SAP130: variants seen among roughly 807,000 people sequenced by gnomAD.
SAP130 encodes histone deacetylase complex subunit SAP130.
Under a neutral mutation model 103.2 loss-of-function variants are expected in SAP130, and 16 were observed. The ratio of observed to expected loss-of-function variants is 0.16; its 90% confidence interval spans 0.10 to 0.24. The LOEUF is 0.24. Among genes scored for constraint, SAP130 ranks in the 10% least tolerant of loss-of-function variants. The pLI, the probability that SAP130 is intolerant of heterozygous loss-of-function variation, is 1.00. For missense variants in SAP130, 990 were observed against 1,359.7 expected, an observed-to-expected ratio of 0.73 and a Z score of 4.28; for synonymous variants, 477 against 497.0, an observed-to-expected ratio of 0.96 and a Z score of 0.53.
intron 14 of SAP130, among the ~76,000 whole-genome samples, chr2:127,982,422 A>C (rs1573734278): frequency 1.3e-5 from 2 of 152,320 alleles, no homozygotes; most frequent in East Asian, 3.9e-4. Context: ...GAGGCAGGAC[A>C]TGGGGTACTG....
At chr2:127,980,675 T>C (rs1681801143) in intron 14 of SAP130, among the ~76,000 whole-genome samples, 1 of 152,108 alleles carries the variant, frequency 6.6e-6, no homozygotes, top group Non-Finnish European at 1.5e-5. Flanking sequence ...CAAGGCCAGG[T>C]GCTCACGCAT....
At chr2:127,998,564 ATAATACAG>A (rs1683330524) in intron 10 of SAP130, among the ~76,000 whole-genome samples, 1 of 152,236 alleles carries the variant, frequency 6.6e-6, no homozygotes, top group South Asian at 2.1e-4. Flanking sequence ...AGATCCTATT[ATAATACAG>A]AAATATTGGG....
intron 14 of SAP130, among the ~76,000 whole-genome samples, chr2:127,981,905 G>C (rs1573732526): frequency 6.6e-6 from 1 of 152,076 alleles, no homozygotes; most frequent in South Asian, 2.1e-4. Context: ...AGTCTGTAAG[G>C]GGGGCTGCCT....
chr2:128,014,707 C>G, intron 5 of SAP130, 96 bp downstream of exon 5: 1 of 865,720 alleles, frequency 1.2e-6, no homozygotes, highest in Non-Finnish European at 1.9e-6. Context: ...GCAACTTTAA[C>G]AAGCTGATTC....
At chr2:128,010,940 A>T (rs1684347151) in intron 6 of SAP130, among the ~76,000 whole-genome samples, 1 of 147,016 alleles carries the variant, frequency 6.8e-6, no homozygotes, top group South Asian at 2.2e-4. Context: ...GATACCACTG[A>T]CAAGTGTTTT....
Position 127,955,214 on chromosome 2 carries a change from T to C in SAP130, c.2194A>G (p.Thr732Ala). ...VPPTAQQPPP[T>A]IPTMIAAASP... is the part of the protein sequence containing the mutation. ...GCTGCTGCAATCATAGTTGGAATGG[T>C]CGGTGGGGGCTGCTGGGCAGTTGGA... is the stretch of plus-strand genomic sequence containing the variant. Residue 732 changes from threonine (T) to alanine (A), a missense_variant, in exon 16 of 21, where the codon ACC (threonine) becomes GCC (alanine). Transcript: ENST00000643581. The surrounding 1 kb of genome is among the most constrained non-coding windows in gnomAD (Gnocchi z 4.9). 6.2e-7 allele frequency: 1 copy of C among 1,613,940 alleles called. No individual in the cohort carries two copies. Among genetic ancestry groups the C allele is most frequent in the Non-Finnish European group, 8.5e-7 (1 of 1,179,962 alleles).
chr2:127,983,277 T>G (rs1208399507), intron 14 of SAP130, among the ~76,000 whole-genome samples: 1 of 152,244 alleles, frequency 6.6e-6, no homozygotes, highest in Non-Finnish European at 1.5e-5. Flanking sequence ...TAATGTTATT[T>G]CATTTTAATT....
intron 5 of SAP130, 66 bp downstream of exon 5, chr2:128,014,737 G>A (rs539329093): frequency 2.2e-4 from 246 of 1,120,088 alleles, no homozygotes; most frequent in South Asian, 1.3e-3. Flanking sequence ...TCTGTGTTAC[G>A]TATTTTACCA....
intron 15 of SAP130, among the ~76,000 whole-genome samples, chr2:127,962,765 T>C (rs1158120974): frequency 6.6e-6 from 1 of 151,566 alleles, no homozygotes; most frequent in African/African-American, 2.4e-5. Flanking sequence ...CATTAGGAGA[T>C]ATACCTAATG....
chr2:128,009,077 G>A lies in SAP130; in HGVS notation c.869+1192C>T, dbSNP rs1684196375. On this transcript the variant is annotated intron_variant, in intron 7 of 20. Coordinates refer to ENST00000643581, the MANE Select transcript of SAP130 (RefSeq NM_001330301.2). ...CCCTGTTAGGTATACAGGCCAACTA[G>A]CACTGGCAAATAATCGTGACTCCTC... Among the ~76,000 whole-genome samples the A allele has an allele frequency of 2.0e-5, 3 of 151,964 alleles. No homozygotes were observed. In the South Asian group the frequency reaches 6.2e-4, roughly 32 times the overall value.
intron 15 of SAP130, among the ~76,000 whole-genome samples, chr2:127,960,965 A>G (rs1573661225): frequency 6.6e-6 from 1 of 152,128 alleles, no homozygotes; most frequent in Middle Eastern, 3.4e-3. Flanking sequence ...GACATAAGCA[A>G]ATACAAATGT....
At chr2:127,993,813 C>T (rs1682982822) in intron 11 of SAP130, among the ~76,000 whole-genome samples, 2 of 152,086 alleles carry the variant, frequency 1.3e-5, no homozygotes, top group South Asian at 4.1e-4. Flanking sequence ...GGTTATTCAC[C>T]AGCACAATCA....
intron 18 of SAP130, 28 bp from the exon 19 acceptor site, chr2:127,945,587 G>GT: frequency 1.6e-6 from 2 of 1,274,530 alleles, no homozygotes; most frequent in Non-Finnish European, 2.3e-6. Context: ...AAAAATACAT[G>GT]TATTTCAGTG....
intron 2 of SAP130, 21 bp downstream of exon 2, chr2:128,026,160 T>C: frequency 6.7e-7 from 1 of 1,482,636 alleles, no homozygotes; most frequent in Non-Finnish European, 9.3e-7. Flanking sequence ...AAAAAATATA[T>C]TAGAATATTA....
intron 2 of SAP130, among the ~76,000 whole-genome samples, chr2:128,024,974 C>T (rs1428351480): frequency 3.1e-5 from 4 of 129,372 alleles, no homozygotes; most frequent in Non-Finnish European, 6.1e-5. Flanking sequence ...TGTACTGCCG[C>T]TTGAGTGACA....
At chr2:127,984,640 T>C (rs1288460904) in intron 14 of SAP130, among the ~76,000 whole-genome samples, 2 of 152,202 alleles carry the variant, frequency 1.3e-5, no homozygotes, top group Non-Finnish European at 2.9e-5. Flanking sequence ...CTTCTCATTT[T>C]CTATCTAGAA....
intron 14 of SAP130, among the ~76,000 whole-genome samples, chr2:127,978,391 C>T (rs755021570): frequency 3.9e-5 from 6 of 152,104 alleles, no homozygotes; most frequent in Non-Finnish European, 8.8e-5. Context: ...TCTAGCATGC[C>T]ACATCTCCTT....
rs1355870194 is a variant in SAP130 at position 128,000,456 on chromosome 2, T to G, written c.870-2A>C. On this transcript the variant is annotated splice_acceptor_variant, in intron 7 of 20. Transcript: ENST00000643581. LOFTEE classifies it high-confidence loss of function. ...TGCTGGATAGACAAGGTTGGCCTAC[T>G]GAAAAGATAACAAAGACACAATGCA... is the stretch of plus-strand genomic sequence containing the variant. 3.7e-6 allele frequency: 6 copies of G among 1,613,980 alleles called. No individual in the cohort carries two copies. Among genetic ancestry groups the G allele is most frequent in the Non-Finnish European group, 5.1e-6 (6 of 1,179,988 alleles).
intron 3 of SAP130, among the ~76,000 whole-genome samples, chr2:128,017,228 T>C (rs1684845327): frequency 6.6e-6 from 1 of 152,094 alleles, no homozygotes; most frequent in Non-Finnish European, 1.5e-5. Context: ...AGGCTGAGGC[T>C]GCAGAACCGC....
Sources: gnomAD v4.1 joint callset for allele counts (sites outside exome capture counted in the v4.1 genomes callset) on GRCh38, gnomAD v4.1.1 for gene constraint, Gnocchi (gnomAD v3.1) non-coding constraint, MANE v1.5 for transcripts, NCBI Gene and HGNC (gene_info 2026-07-23, HGNC 2026-07-21) for gene names.